WWOX: variants seen among roughly 807,000 people sequenced by gnomAD.
The protein encoded by WWOX is WW domain containing oxidoreductase, also known as WW domain-containing oxidoreductase.
A neutral mutation model predicts 46.2 loss-of-function variants in WWOX; 69 were observed. That is an observed-to-expected ratio of 1.49 (90% CI 1.23 to 1.82). The LOEUF (loss-of-function observed/expected upper bound fraction) is 1.82, where lower values mean the gene tolerates loss of function less well. WWOX is among the 40% of genes most tolerant of loss of function. WWOX has a pLI of 0.00. For synonymous variants in WWOX, 359 were observed against 202.6 expected (o/e 1.77, Z -6.56); for missense variants, 919 against 542.6 (o/e 1.69, Z -6.89).
At chr16:78,765,313 A>G (rs1410693661) in intron 8 of WWOX, among the ~76,000 whole-genome samples, 1 of 152,218 alleles carries the variant, frequency 6.6e-6, no homozygotes, top group Non-Finnish European at 1.5e-5. Context: ...ACCTTCTGGT[A>G]GAGGCGTTGA....
intron 8 of WWOX, among the ~76,000 whole-genome samples, chr16:78,583,966 A>G (rs1174739890): frequency 6.6e-6 from 1 of 152,186 alleles, no homozygotes; most frequent in African/African-American, 2.4e-5. Context: ...TTGCTCCCAA[A>G]CACTTCAAGA....
At chr16:78,632,943 A>G (rs1284591574) in intron 8 of WWOX, among the ~76,000 whole-genome samples, 3 of 152,018 alleles carry the variant, frequency 2.0e-5, no homozygotes, top group Non-Finnish European at 4.4e-5. Flanking sequence ...GGGATCCAAC[A>G]TTTATTATCC....
intron 8 of WWOX, among the ~76,000 whole-genome samples, chr16:79,091,880 A>G (rs1205747986): frequency 6.9e-6 from 1 of 145,686 alleles, no homozygotes; most frequent in Non-Finnish European, 1.5e-5. Context: ...TCCTGGGTTC[A>G]AGTGATTCTC....
chr16:78,941,719 C>G (rs988487528), intron 8 of WWOX, among the ~76,000 whole-genome samples: 7 of 152,002 alleles, frequency 4.6e-5, no homozygotes, highest in African/African-American at 1.5e-4. Context: ...GTTTCCTTTC[C>G]CAGGTTTGAA....
intron 8 of WWOX, among the ~76,000 whole-genome samples, chr16:79,040,899 G>C (rs1459569362): frequency 4.6e-5 from 7 of 152,112 alleles, no homozygotes; most frequent in Admixed American, 3.3e-4. Flanking sequence ...GCCCAAGGGA[G>C]AGGTTGCTCC....
chr16:79,145,044 C>G (rs1326186808), intron 8 of WWOX, among the ~76,000 whole-genome samples: 4 of 152,098 alleles, frequency 2.6e-5, no homozygotes, highest in Non-Finnish European at 5.9e-5. Context: ...CATAAATTTG[C>G]CTGTAAGTGA....
At chr16:79,167,141 C>T (rs1276680036) in intron 8 of WWOX, among the ~76,000 whole-genome samples, 2 of 152,098 alleles carry the variant, frequency 1.3e-5, no homozygotes, top group African/African-American at 2.4e-5. Context: ...GGGGTTTTGC[C>T]ATGTTGGCCA....
intron 8 of WWOX, among the ~76,000 whole-genome samples, chr16:78,451,942 T>G (rs2083699470): frequency 6.6e-6 from 1 of 152,230 alleles, no homozygotes; most frequent in South Asian, 2.1e-4. Context: ...GTTGGAGCCC[T>G]TAGTTCAACA....
chr16:78,892,720 A>G (rs753505400), intron 8 of WWOX, among the ~76,000 whole-genome samples: 2 of 152,178 alleles, frequency 1.3e-5, no homozygotes, highest in Non-Finnish European at 2.9e-5. Context: ...TTGTGATACT[A>G]TAGGAGCCGG....
chr16:79,171,104 C>G (rs1043205076), intron 8 of WWOX, among the ~76,000 whole-genome samples: 1 of 152,150 alleles, frequency 6.6e-6, no homozygotes, highest in African/African-American at 2.4e-5. Context: ...CAGTGCTAGG[C>G]ACGTGAGAGT....
intron 8 of WWOX, chr16:78,896,775 G>C (rs1261508942): frequency 1.3e-5 from 2 of 152,216 alleles, no homozygotes; most frequent in Non-Finnish European, 2.9e-5. Flanking sequence ...GTGTGAGAGA[G>C]AGAGAAAATG....
At chr16:78,507,993 C>CGTGTGT (rs370434842) in intron 8 of WWOX, among the ~76,000 whole-genome samples, 3,151 of 145,504 alleles carry the variant, frequency 0.022, 108 homozygotes, top group African/African-American at 0.066. Context: ...TTTTTGGTTG[C>CGTGTGT]GTGCGTGTGT....
At chr16:78,938,521 C>T (rs899060981) in intron 8 of WWOX, among the ~76,000 whole-genome samples, 1 of 142,080 alleles carries the variant, frequency 7.0e-6, no homozygotes, top group Non-Finnish European at 1.6e-5. Flanking sequence ...TTTGAGTTGA[C>T]CTGTCCCGTC....
At chr16:79,120,246 C>T (rs1313475709) in intron 8 of WWOX, among the ~76,000 whole-genome samples, 1 of 152,152 alleles carries the variant, frequency 6.6e-6, no homozygotes, top group African/African-American at 2.4e-5. Context: ...TCCCAGATTC[C>T]CTAGCTAGGA....
chr16:78,745,769 C>G (rs1567532092), intron 8 of WWOX, among the ~76,000 whole-genome samples: 2 of 151,264 alleles, frequency 1.3e-5, no homozygotes, highest in African/African-American at 4.9e-5. Context: ...CTCTTTTTCC[C>G]CCCCCTTCAA....
Position 78,760,544 on chromosome 16 carries a change from A to G in WWOX, c.1056+327792A>G, listed in dbSNP as rs115432153. 3.0e-3 allele frequency among the ~76,000 whole-genome samples: 452 copies of G among 152,254 alleles called. 2 individuals carry two copies. The highest frequency in any genetic ancestry group is 0.01 in the African/African-American group (429 of 41,544). ...CTCCTCAAACCTAAGCTTATTCCCA[A>G]TCACACAGTCAGGAGAGGATGCCCA... On this transcript the variant is annotated intron_variant, in intron 8 of 8. Transcript: ENST00000566780.
intron 8 of WWOX, among the ~76,000 whole-genome samples, chr16:78,948,447 C>A (rs558435189): frequency 1.3e-5 from 2 of 152,118 alleles, no homozygotes; most frequent in African/African-American, 4.8e-5. Context: ...TGTGAGTGAG[C>A]CAGAGGTCTG....
At chr16:79,197,313 C>T (rs761046504) in intron 8 of WWOX, among the ~76,000 whole-genome samples, 2 of 152,212 alleles carry the variant, frequency 1.3e-5, no homozygotes, top group Non-Finnish European at 2.9e-5. Flanking sequence ...CACAGGTCAT[C>T]ACCAAGGGAC....
chr16:78,653,990 T>C (rs1002904983), intron 8 of WWOX, among the ~76,000 whole-genome samples: 7 of 152,164 alleles, frequency 4.6e-5, no homozygotes, highest in African/African-American at 1.7e-4. Context: ...TCCAGAGAAA[T>C]TAAGATCTGC....
Sources: gnomAD v4.1 joint callset for allele counts (sites outside exome capture counted in the v4.1 genomes callset) on GRCh38, gnomAD v4.1.1 for gene constraint, MANE v1.5 for transcripts, NCBI Gene and HGNC (gene_info 2026-07-23, HGNC 2026-07-21) for gene names.